Variants in PSTK observed in about 807,000 individuals in gnomAD.
PSTK encodes the protein phosphoseryl-tRNA kinase, also known as L-seryl-tRNA(Sec) kinase.
A neutral mutation model predicts 38.6 loss-of-function variants in PSTK; 26 were observed. That is an observed-to-expected ratio of 0.67 (90% CI 0.49 to 0.94). The LOEUF (loss-of-function observed/expected upper bound fraction) is 0.94. Ranked by LOEUF, PSTK falls within the 40% of genes least tolerant of loss-of-function variation. PSTK has a pLI of 0.00. For missense variants in PSTK, 445 were observed against 436.3 expected (o/e 1.02, Z -0.18); for synonymous variants, 181 against 161.7 (o/e 1.12, Z -0.91).
intron 5 of PSTK, among the ~76,000 whole-genome samples, chr10:122,987,743 C>T (rs1849056325): frequency 6.6e-6 from 1 of 152,166 alleles, no homozygotes; most frequent in African/African-American, 2.4e-5. Flanking sequence ...TTTACAAATA[C>T]TGTTTCTAAT....
At chr10:122,983,917 G>C (rs183493398) in intron 3 of PSTK, 1 of 158,230 alleles carries the variant, frequency 6.3e-6, no homozygotes. Context: ...CATTCATTAC[G>C]TATGTCTTGA....
chr10:122,985,595 T>G (rs1312385299), intron 3 of PSTK: 2 of 152,168 alleles, frequency 1.3e-5, no homozygotes, highest in Non-Finnish European at 2.9e-5. Flanking sequence ...ACTTTGCTCA[T>G]CCATATCCAG....
rs770758866 is a variant in PSTK at position 122,980,518 on chromosome 10, C to G, written c.39C>G (p.Asp13Glu). The G allele has an allele frequency of 1.2e-6, 2 of 1,608,972 alleles. No homozygotes were observed. The highest frequency in any genetic ancestry group is 3.3e-5 in the Admixed American group (2 of 59,910). Residue 13 changes from aspartate (D) to glutamate (E), a missense_variant, in exon 1 of 6, where the codon GAC becomes GAG. Physicochemically the swap from Asp to Glu is conservative, Grantham distance 45 (BLOSUM62 2). Coordinates refer to ENST00000406217, the MANE Select transcript of PSTK (RefSeq NM_001363531.2). This position sits in a 1 kb window ranked among gnomAD's most constrained non-coding sequence, Gnocchi z 4.3. ...TAENIRGTGS[D>E]GPRKRGLCVL... ...AGAACATCAGAGGAACCGGCAGCGACGGGCCGCGGAAACGAGGCCTCTGCG... is the reference window on the plus strand; with the variant it reads ...AGAACATCAGAGGAACCGGCAGCGAGGGGCCGCGGAAACGAGGCCTCTGCG...
In PSTK at chr10:122,982,807, G is replaced by C. The variant is rs556208876; in HGVS notation, c.291G>C (p.Gly97=). ...ACTTCTTGATGGCTGTCATTAATGG[G>C]TGTCAGATGTCTGTCCCACCCAACA... ...LEYFLMAVIN[G]CQMSVPPNRT... Residue 97 remains glycine (G), a synonymous_variant, in exon 2 of 6, where the codon GGG becomes GGC. Coordinates refer to ENST00000406217, the MANE Select transcript of PSTK (RefSeq NM_001363531.2). The C allele has an allele frequency of 7.8e-5, 126 of 1,614,168 alleles. 2 individuals carry two copies. In the South Asian group the frequency reaches 1.4e-3, roughly 17 times the overall value.
intron 2 of PSTK, 27 bp downstream of exon 2, chr10:122,983,051 C>A: frequency 6.4e-7 from 1 of 1,568,378 alleles, no homozygotes; most frequent in Non-Finnish European, 8.7e-7. Context: ...TTTTCTTACA[C>A]ATGGAGATAC....
chr10:122,982,510 G>T, intron 1 of PSTK: 1 of 545,772 alleles, frequency 1.8e-6, no homozygotes. Flanking sequence ...GCTGCCTTCT[G>T]CATGGTTGAG....
At chr10:122,988,605 AT>A (rs1849067228) in intron 5 of PSTK, among the ~76,000 whole-genome samples, 3 of 152,210 alleles carry the variant, frequency 2.0e-5, no homozygotes, top group African/African-American at 7.2e-5. Context: ...ACACAACCCA[AT>A]TTTTAAAAGG....
Position 122,986,877 on chromosome 10 carries a change from C to T in PSTK, c.792C>T (p.Asp264=), listed in dbSNP as rs200929556. The change falls in exon 5 of 6, where the codon GAC becomes GAT. Residue 264 remains aspartate, a synonymous_variant. Transcript: ENST00000406217. ...AEDNMEQKDT[D]RIICSTNILH... ...TGTCTGTATTAACATAGGACACAGA[C>T]AGAATTATTTGTTCAACTAACATTC... 2.9e-4 allele frequency: 468 copies of T among 1,598,156 alleles called. 3 individuals are homozygous for T. The highest frequency in any genetic ancestry group is 2.2e-3 in the Middle Eastern group (13 of 6,034).
intron 5 of PSTK, among the ~76,000 whole-genome samples, chr10:122,988,199 C>G (rs967204467): frequency 6.6e-6 from 1 of 151,948 alleles, no homozygotes; most frequent in Non-Finnish European, 1.5e-5. Context: ...AACAGAGGAC[C>G]GGAACAGAAA....
intron 1 of PSTK, among the ~76,000 whole-genome samples, chr10:122,981,650 G>A (rs1848959668): frequency 6.6e-6 from 1 of 152,190 alleles, no homozygotes; most frequent in Admixed American, 6.5e-5. Context: ...TACATTTGGT[G>A]CATGGGCTCT....
chr10:122,987,080 A>G (rs759145192), intron 5 of PSTK, 118 bp downstream of exon 5: 4 of 884,758 alleles, frequency 4.5e-6, no homozygotes, highest in Non-Finnish European at 7.2e-6. Flanking sequence ...CATGTTTTCA[A>G]TTTAATTATG....
intron 3 of PSTK, chr10:122,984,501 T>A (rs1409950500): frequency 6.6e-6 from 1 of 150,744 alleles, no homozygotes; most frequent in African/African-American, 2.5e-5. Context: ...TTTTTAGGAA[T>A]CTTATCTTAA....
chr10:122,986,780 T>C (rs1849039758), intron 4 of PSTK, 89 bp from the exon 5 acceptor site: 1 of 817,004 alleles, frequency 1.2e-6, no homozygotes, highest in Non-Finnish European at 1.9e-6. Flanking sequence ...ACTTTTCTTT[T>C]AGTCCTTTCA....
At position 122,982,787 on chromosome 10, in the gene PSTK, T is replaced by C; in HGVS notation, c.271T>C (p.Leu91=). Residue 91 remains leucine, a synonymous_variant, in exon 2 of 6, where the codon TTG becomes CTG. Coordinates refer to ENST00000406217, the MANE Select transcript of PSTK (RefSeq NM_001363531.2). ...QELLKYLEYF[L]MAVINGCQMS... ...ACTGTTGAAGTACCTGGAATACTTC[T>C]TGATGGCTGTCATTAATGGGTGTCA... 1 of 1,614,242 alleles carries C rather than the reference T, an allele frequency of 6.2e-7. No homozygotes were observed. Among genetic ancestry groups the C allele is most frequent in the Non-Finnish European group, 8.5e-7 (1 of 1,180,040 alleles).
Position 122,980,904 on chromosome 10 carries a change from C to A in PSTK, c.216+209C>A. On this transcript the variant is annotated intron_variant, in intron 1 of 5. Transcript: ENST00000406217. The surrounding 1 kb of genome is among the most constrained non-coding windows in gnomAD (Gnocchi z 4.3). ...TGGCTGTAGAAAGTGGTTACAAAGC[C>A]AACTGTTAGAACGATGCATTTTAGA... 2 of 698,358 alleles carry A rather than the reference C, an allele frequency of 2.9e-6. No homozygotes were observed. The highest frequency in any genetic ancestry group is 3.5e-6 in the Non-Finnish European group (2 of 567,632). 43.3% of individuals were successfully genotyped at this position (698,358 alleles called of 1,614,324 possible).
At chr10:122,982,195 T>A (rs973784261) in intron 1 of PSTK, 1 of 152,442 alleles carries the variant, frequency 6.6e-6, no homozygotes, top group Non-Finnish European at 1.5e-5. Context: ...TCACCTGATC[T>A]TTTTGCTGTC....
Position 122,986,980 on chromosome 10 carries a change from T to G in PSTK, c.877+18T>G. The G allele has an allele frequency of 6.7e-7, 1 of 1,488,738 alleles. No homozygotes were observed. The highest frequency in any genetic ancestry group is 9.4e-7 in the Non-Finnish European group (1 of 1,065,920). The allele number at this position is 1,488,738 out of a possible 1,614,324, so 92.2% of individuals were successfully genotyped here. Reference sequence around the variant, plus strand: ...AGCAAAAGGTATGATGTGTCAGTTATGTGTTGAGTTGGTATGATTGTGACT... The same window carrying G: ...AGCAAAAGGTATGATGTGTCAGTTAGGTGTTGAGTTGGTATGATTGTGACT... On this transcript the variant is annotated intron_variant, in intron 5 of 5. Coordinates refer to ENST00000406217, the MANE Select transcript of PSTK (RefSeq NM_001363531.2).
At chr10:122,986,244 A>C in intron 3 of PSTK, 56 bp from the exon 4 acceptor site, 1 of 1,213,650 alleles carries the variant, frequency 8.2e-7, no homozygotes, top group Non-Finnish European at 1.1e-6. Flanking sequence ...AAAAAAAAAA[A>C]AAAGTCAGAT....
chr10:122,985,476 C>G (rs956501025), intron 3 of PSTK: 3 of 152,236 alleles, frequency 2.0e-5, no homozygotes, highest in African/African-American at 7.2e-5. Flanking sequence ...ACACCCCCAG[C>G]TCAGCATGTG....
Sources: gnomAD v4.1 joint callset for allele counts (sites outside exome capture counted in the v4.1 genomes callset) on GRCh38, gnomAD v4.1.1 for gene constraint, Gnocchi (gnomAD v3.1) non-coding constraint, MANE v1.5 for transcripts, NCBI Gene and HGNC (gene_info 2026-07-23, HGNC 2026-07-21) for gene names.